SNTG1: variants seen among roughly 807,000 people sequenced by gnomAD.
SNTG1 encodes the protein syntrophin gamma 1.
Under a neutral mutation model 74.7 loss-of-function variants are expected in SNTG1, and 39 were observed. The observed-to-expected ratio is 0.52, with a 90% confidence interval of 0.40 to 0.68. SNTG1 has a LOEUF of 0.68. SNTG1 is among the 30% of genes least tolerant of loss of function. The probability of loss-of-function intolerance (pLI) is 0.00; values close to 1 mark genes in which losing one functional copy is unlikely to be tolerated. For missense variants in SNTG1, 685 were observed against 609.5 expected, an observed-to-expected ratio of 1.12 and a Z score of -1.30; for synonymous variants, 254 against 217.1, an observed-to-expected ratio of 1.17 and a Z score of -1.49.
chr8:50,474,524 GA>G (rs1391660035), intron 8 of SNTG1, among the ~76,000 whole-genome samples: 1 of 152,144 alleles, frequency 6.6e-6, no homozygotes, highest in Non-Finnish European at 1.5e-5. Flanking sequence ...AAACCGCAAT[GA>G]GATACCACCT....
At chr8:49,916,628 G>A (rs1336006753) in intron 1 of SNTG1, among the ~76,000 whole-genome samples, 1 of 152,044 alleles carries the variant, frequency 6.6e-6, no homozygotes, top group Non-Finnish European at 1.5e-5. Context: ...TGCTTGCCTG[G>A]TAAATTCACT....
chr8:50,199,260 C>G (rs914415007), intron 2 of SNTG1, among the ~76,000 whole-genome samples: 4 of 150,500 alleles, frequency 2.7e-5, no homozygotes, highest in African/African-American at 7.4e-5. Context: ...TCTTGTTGCC[C>G]AGGCTACAGT....
chr8:50,152,878 G>C (rs890168990), intron 1 of SNTG1, among the ~76,000 whole-genome samples: 4 of 152,072 alleles, frequency 2.6e-5, no homozygotes, highest in African/African-American at 9.7e-5. Flanking sequence ...TGCCAATTAT[G>C]TGTCTTGGAG....
At chr8:49,916,073 T>C (rs1433945063) in intron 1 of SNTG1, among the ~76,000 whole-genome samples, 1 of 152,186 alleles carries the variant, frequency 6.6e-6, no homozygotes, top group Non-Finnish European at 1.5e-5. Flanking sequence ...TATAAGTCAA[T>C]GTTTGGTGTT....
chr8:50,498,785 C>T lies in SNTG1; in HGVS notation c.364-3993C>T, dbSNP rs75327855. 3.9e-3 allele frequency among the ~76,000 whole-genome samples: 587 copies of T among 151,856 alleles called. 3 individuals carry two copies. The highest frequency in any genetic ancestry group is 0.013 in the African/African-American group (558 of 41,510). Reference sequence around the variant, plus strand: ...TTAGTATGTCGTGTAAGGTATAGCTCAAAGCTCCTTTTCTTTTCTAATGAG... The same window carrying T: ...TTAGTATGTCGTGTAAGGTATAGCTTAAAGCTCCTTTTCTTTTCTAATGAG... On this transcript the variant is annotated intron_variant, in intron 8 of 18. Transcript: ENST00000642720.
chr8:50,368,122 G>A (rs2131125663), intron 2 of SNTG1, among the ~76,000 whole-genome samples: 1 of 152,236 alleles, frequency 6.6e-6, no homozygotes, highest in East Asian at 1.9e-4. Flanking sequence ...AATCAAAATA[G>A]AATGTTTGTG....
At chr8:50,153,092 C>T (rs529277232) in intron 1 of SNTG1, among the ~76,000 whole-genome samples, 1 of 152,152 alleles carries the variant, frequency 6.6e-6, no homozygotes, top group African/African-American at 2.4e-5. Flanking sequence ...TTCTTGGAGG[C>T]CTTGTTCGTT....
At chr8:50,587,757 G>A (rs572178668) in intron 12 of SNTG1, among the ~76,000 whole-genome samples, 203 of 151,662 alleles carry the variant, frequency 1.3e-3, no homozygotes, top group African/African-American at 4.7e-3. Flanking sequence ...CCCGGGAGGC[G>A]GAGATTGCCA....
Position 50,561,754 on chromosome 8 carries a change from T to A in SNTG1, c.810+8575T>A, listed in dbSNP as rs558306923. Among the ~76,000 whole-genome samples, 6 of 152,320 alleles carry A rather than the reference T, an allele frequency of 3.9e-5. No homozygotes were observed. The South Asian group carries it at 1.2e-3, about 32-fold the overall frequency. ...AATCAGAAGAAGAAAATAAAATTCA[T>A]GCTCAGCCTTTATTTTAACCTATAG... On this transcript the variant is annotated intron_variant, in intron 12 of 18. Coordinates refer to ENST00000642720, the MANE Select transcript of SNTG1 (RefSeq NM_018967.5).
chr8:50,411,076 C>G (rs1307033358), intron 4 of SNTG1, among the ~76,000 whole-genome samples: 1 of 152,212 alleles, frequency 6.6e-6, no homozygotes, highest in South Asian at 2.1e-4. Context: ...ACTTTTCAAT[C>G]AGAAGTATTT....
chr8:50,734,871 GGACATATATATA>G (rs2095523278), intron 17 of SNTG1, among the ~76,000 whole-genome samples: 11 of 108,628 alleles, frequency 1.0e-4, no homozygotes, highest in African/African-American at 4.3e-4. Flanking sequence ...CTATATATAT[GGACATATATATA>G]TCTATATATA....
intron 1 of SNTG1, among the ~76,000 whole-genome samples, chr8:49,942,815 G>A (rs138100537): frequency 6.6e-6 from 1 of 152,308 alleles, no homozygotes; most frequent in Non-Finnish European, 1.5e-5. Context: ...CACCGTTGAT[G>A]TGGACTTCAG....
chr8:50,397,373 C>T (rs2092740952), intron 3 of SNTG1, among the ~76,000 whole-genome samples: 1 of 152,144 alleles, frequency 6.6e-6, no homozygotes, highest in South Asian at 2.1e-4. Context: ...CAATTTGGGT[C>T]CACAGATCTG....
chr8:50,769,284 G>A (rs2095621457), intron 18 of SNTG1, among the ~76,000 whole-genome samples: 1 of 151,890 alleles, frequency 6.6e-6, no homozygotes, highest in South Asian at 2.1e-4. Context: ...CCTATAGTAT[G>A]CAGCATTTTG....
chr8:49,980,656 TA>T (rs1358784740), intron 1 of SNTG1, among the ~76,000 whole-genome samples: 1 of 150,424 alleles, frequency 6.6e-6, no homozygotes, highest in Non-Finnish European at 1.5e-5. Flanking sequence ...TTTAATAAAA[TA>T]AAATAAATTG....
chr8:50,001,864 A>G (rs1310578676), intron 1 of SNTG1, among the ~76,000 whole-genome samples: 1 of 152,166 alleles, frequency 6.6e-6, no homozygotes, highest in African/African-American at 2.4e-5. Flanking sequence ...GATTTATACA[A>G]CCTTCTTAGG....
intron 1 of SNTG1, among the ~76,000 whole-genome samples, chr8:49,942,688 C>G (rs889466929): frequency 6.6e-6 from 1 of 152,026 alleles, no homozygotes; most frequent in Non-Finnish European, 1.5e-5. Flanking sequence ...TATGGGATGT[C>G]CCTATATTGG....
chr8:50,203,197 G>A (rs569546074), intron 2 of SNTG1, among the ~76,000 whole-genome samples: 2 of 152,120 alleles, frequency 1.3e-5, no homozygotes, highest in East Asian at 1.9e-4. Context: ...TCCATCAAAG[G>A]CATGTTTCTG....
chr8:49,942,270 C>T (rs1177071475), intron 1 of SNTG1, among the ~76,000 whole-genome samples: 2 of 152,196 alleles, frequency 1.3e-5, no homozygotes, highest in Non-Finnish European at 2.9e-5. Context: ...ATTTGCATAT[C>T]ACTTTCCAGC....
Sources: gnomAD v4.1 joint callset for allele counts (sites outside exome capture counted in the v4.1 genomes callset) on GRCh38, gnomAD v4.1.1 for gene constraint, MANE v1.5 for transcripts, NCBI Gene and HGNC (gene_info 2026-07-23, HGNC 2026-07-21) for gene names.